Variants in UNC79 observed in about 807,000 individuals in gnomAD.
UNC79 encodes protein unc-79 homolog.
UNC79 carries 37 observed loss-of-function variants against 283.1 expected under a neutral mutation model. The observed-to-expected ratio is 0.13, with a 90% CI of 0.10 to 0.17. The LOEUF is 0.17. Among genes scored for constraint, UNC79 ranks in the 10% least tolerant of loss-of-function variants. The probability of loss-of-function intolerance (pLI) is 1.00; values close to 1 mark genes in which losing one functional copy is unlikely to be tolerated. For synonymous variants in UNC79, 1,107 were observed against 1,200.2 expected (o/e 0.92, Z 1.61); for missense variants, 2,272 against 3,211.1 (o/e 0.71, Z 7.07).
At chr14:93,387,492 T>C (rs1388158984) in intron 1 of UNC79, among the ~76,000 whole-genome samples, 2 of 152,248 alleles carry the variant, frequency 1.3e-5, no homozygotes, top group African/African-American at 2.4e-5. Context: ...CTTTCTTCAT[T>C]GACCCACTGG....
intron 32 of UNC79, 29 bp downstream of exon 35, chr14:93,637,328 T>C (rs1442377390): frequency 1.9e-6 from 3 of 1,610,878 alleles, no homozygotes; most frequent in East Asian, 4.5e-5. Flanking sequence ...TCTCTGGCTG[T>C]AAAAGCTGAA....
At chr14:93,458,140 AGG>A (rs1015366722) in intron 1 of UNC79, among the ~76,000 whole-genome samples, 46 of 152,204 alleles carry the variant, frequency 3.0e-4, no homozygotes, top group African/African-American at 8.4e-4. Flanking sequence ...ATACCTTAAA[AGG>A]GGGCAATGAC....
chr14:93,485,253 T>C (rs1050275066), intron 4 of UNC79, among the ~76,000 whole-genome samples: 6 of 148,118 alleles, frequency 4.1e-5, no homozygotes, highest in African/African-American at 1.5e-4. Flanking sequence ...TGTGTGTGTG[T>C]GCGTGTGTGT....
Position 93,617,092 on chromosome 14 carries a change from C to T in UNC79, c.4042-30C>T. Reference sequence around the variant, plus strand: ...CCTCTGAGTGTTCTTTGTAGTTTTCCATCAGTTATTAATATTTTTTCTATT... The same window carrying T: ...CCTCTGAGTGTTCTTTGTAGTTTTCTATCAGTTATTAATATTTTTTCTATT... On this transcript the variant is annotated intron_variant, in intron 27 of 48. Transcript: ENST00000555664. The surrounding 1 kb of genome is among the most constrained non-coding windows in gnomAD (Gnocchi z 4.5). The T allele has an allele frequency of 9.6e-6, 15 of 1,563,382 alleles. No individual in the cohort carries two copies. Among genetic ancestry groups the T allele is most frequent in the South Asian group, 3.6e-5 (3 of 82,278 alleles).
chr14:93,431,017 A>T, exon 1 of UNC79: 1 of 701,162 alleles, frequency 1.4e-6, no homozygotes, highest in Non-Finnish European at 2.6e-6. Context: ...AGCCTTTCCA[A>T]CTGGACAGCA....
intron 11 of UNC79, among the ~76,000 whole-genome samples, chr14:93,536,541 A>G (rs900992632): frequency 3.3e-5 from 5 of 152,194 alleles, no homozygotes; most frequent in African/African-American, 1.2e-4. Flanking sequence ...TGTCCCTTTC[A>G]ATCTACAATG....
rs143316859 is a variant in UNC79, at chr14:93,398,319, G to A, written c.-351+64796G>A. On this transcript the variant is annotated intron_variant, in intron 1 of 49. Coordinates refer to the UNC79 transcript ENST00000256339. ...TGTGACTAGGAGGATAATAAGCCAAGGAAAGTTGAAGTAAGGCATTCAGGA... is the reference window on the plus strand; with the variant it reads ...TGTGACTAGGAGGATAATAAGCCAAAGAAAGTTGAAGTAAGGCATTCAGGA... 2.8e-3 allele frequency among the ~76,000 whole-genome samples: 432 copies of A among 152,268 alleles called. 1 individual carries two copies. The highest frequency in any genetic ancestry group is 4.2e-3 in the Admixed American group (64 of 15,288).
intron 7 of UNC79, among the ~76,000 whole-genome samples, chr14:93,507,465 T>C (rs2059603203): frequency 1.3e-5 from 2 of 152,206 alleles, no homozygotes; most frequent in South Asian, 4.1e-4. Context: ...ATTTCTTTGA[T>C]GACTGCTGTT....
chr14:93,625,786 C>T (rs866698473), intron 30 of UNC79, among the ~76,000 whole-genome samples: 5 of 152,292 alleles, frequency 3.3e-5, no homozygotes, highest in Middle Eastern at 6.8e-3. Flanking sequence ...ATTTGCTTGG[C>T]TAAACACAAC....
chr14:93,543,624 C>T (rs984591845), intron 14 of UNC79, among the ~76,000 whole-genome samples: 1 of 152,130 alleles, frequency 6.6e-6, no homozygotes, highest in Non-Finnish European at 1.5e-5. Flanking sequence ...GCCTCAGCCT[C>T]CCAAAGTGCT....
intron 41 of UNC79, among the ~76,000 whole-genome samples, chr14:93,675,750 G>A (rs2073287483): frequency 6.6e-6 from 1 of 152,198 alleles, no homozygotes; most frequent in Non-Finnish European, 1.5e-5. Context: ...GAATGGTCTT[G>A]AGTTGTCTTT....
At chr14:93,382,080 C>T (rs769360457) in intron 1 of UNC79, among the ~76,000 whole-genome samples, 50 of 152,080 alleles carry the variant, frequency 3.3e-4, no homozygotes, top group Non-Finnish European at 5.3e-4. Flanking sequence ...TATTAATTTC[C>T]GAATTCAGAA....
Position 93,452,680 on chromosome 14 carries a change from A to T in UNC79, c.23-14991A>T, listed in dbSNP as rs919708728. ...TGGGATTGCAGGAATGAGCCACTGC[A>T]CCTGGCCGAATTTTTTAAATTGATA... is the stretch of plus-strand genomic sequence containing the variant. On this transcript the variant is annotated intron_variant, in intron 1 of 48. Coordinates refer to ENST00000555664, the Ensembl canonical transcript of UNC79. Among the ~76,000 whole-genome samples the T allele has an allele frequency of 2.0e-5, 3 of 152,042 alleles. No individual in the cohort carries two copies. In the South Asian group the frequency reaches 6.2e-4, roughly 32 times the overall value.
At chr14:93,572,578 A>G in intron 15 of UNC79, 115 bp from the exon 16 acceptor site, 1 of 1,455,744 alleles carries the variant, frequency 6.9e-7, no homozygotes, top group South Asian at 1.4e-5. Context: ...CAGAATACAA[A>G]CTAATCTAAA....
At chr14:93,515,562 G>A (rs2060015268) in intron 7 of UNC79, among the ~76,000 whole-genome samples, 1 of 152,048 alleles carries the variant, frequency 6.6e-6, no homozygotes, top group African/African-American at 2.4e-5. Context: ...TTTGCTTCTG[G>A]TGAAAGGGTA....
chr14:93,598,384 GT>G (rs1223411014), intron 24 of UNC79, among the ~76,000 whole-genome samples: 34 of 151,690 alleles, frequency 2.2e-4, no homozygotes, highest in Non-Finnish European at 4.1e-4. Context: ...GTGTGTGTGT[GT>G]GTGTGTGTGT....
At chr14:93,348,424 G>T in intron 1 of UNC79, 1 of 299,708 alleles carries the variant, frequency 3.3e-6, no homozygotes, top group South Asian at 5.4e-5. Context: ...TGCTGTGAAA[G>T]GTCTGACTTA....
intron 4 of UNC79, among the ~76,000 whole-genome samples, chr14:93,480,929 T>C (rs1256166682): frequency 6.6e-6 from 1 of 152,198 alleles, no homozygotes; most frequent in Non-Finnish European, 1.5e-5. Flanking sequence ...GTGTTCCTAA[T>C]GTCAGATGGA....
rs577420236 is a variant in UNC79, at chr14:93,359,598, G to A, written c.-351+26075G>A. Among the ~76,000 whole-genome samples, 7 of 152,320 alleles carry A rather than the reference G, an allele frequency of 4.6e-5. No homozygotes were observed. The East Asian group carries it at 5.8e-4, about 13-fold the overall frequency. ...AGCAACAATTAGAATAGTCTGACTC[G>A]TGTAGAGCTCTGGCATTGGCTAAGT... is the stretch of plus-strand genomic sequence containing the variant. On this transcript the variant is annotated intron_variant, in intron 1 of 49. Transcript: ENST00000256339.
Sources: allele counts gnomAD v4.1 joint callset (sites outside exome capture counted in the v4.1 genomes callset), GRCh38; gene constraint gnomAD v4.1.1; non-coding constraint Gnocchi (gnomAD v3.1); transcripts MANE v1.5; gene names NCBI Gene and HGNC (gene_info 2026-07-23, HGNC 2026-07-21).